MAOA: variants seen among roughly 807,000 people sequenced by gnomAD.
MAOA encodes the protein amine oxidase [flavin-containing] A.
In MAOA, 6 loss-of-function variants were observed where a neutral mutation model predicts 42.0. That is an observed-to-expected ratio of 0.14 (90% confidence interval 0.08 to 0.28). The LOEUF is 0.28. Ranked by LOEUF, MAOA falls within the 10% of genes least tolerant of loss-of-function variation. MAOA has a pLI of 1.00. For missense variants in MAOA, 262 were observed against 422.3 expected, an observed-to-expected ratio of 0.62 and a Z score of 3.33; for synonymous variants, 140 against 154.0, an observed-to-expected ratio of 0.91 and a Z score of 0.67.
At chrX:43,719,022 A>G (rs892786891) in intron 5 of MAOA, among the ~76,000 whole-genome samples, 1 of 110,260 alleles carries the variant, frequency 9.1e-6, no homozygotes, top group Non-Finnish European at 1.9e-5. Flanking sequence ...TCTTCTAGGA[A>G]TGAGCCACCC....
intron 1 of MAOA, among the ~76,000 whole-genome samples, chrX:43,682,139 C>T (rs1271717760): frequency 9.0e-6 from 1 of 111,262 alleles, no homozygotes; most frequent in African/African-American, 3.3e-5. Flanking sequence ...CCTTGGCCTC[C>T]CAAAGTGCTG....
chrX:43,663,322 T>C (rs761582250), intron 1 of MAOA, among the ~76,000 whole-genome samples: 1 of 111,943 alleles, frequency 8.9e-6, no homozygotes, highest in Admixed American at 9.5e-5. Flanking sequence ...TTCTAGTTGT[T>C]GCTAGGCAAA....
rs184725808 is a variant in MAOA, at chrX:43,746,489, A to T, written c.*1976A>T. 8.9e-6 allele frequency: 1 copy of T among 111,787 alleles called. No homozygotes were observed. Among genetic ancestry groups the T allele is most frequent in the East Asian group, 2.8e-4 (1 of 3,530 alleles). 9.2% of individuals were successfully genotyped at this position (111,787 alleles called of 1,213,427 possible). A position where few individuals can be genotyped will look rare whatever the true frequency, so the allele number is the denominator to read the frequency against. On this transcript the variant is annotated 3_prime_UTR_variant, in exon 15 of 15. Transcript: ENST00000338702. ...GAAAGTCAGTTTAAGAGGCTGATAG[A>T]TCTTGGCCCTGTTAAGGCATCCACT...
At chrX:43,719,367 C>G (rs1236154016) in intron 5 of MAOA, among the ~76,000 whole-genome samples, 2 of 110,137 alleles carry the variant, frequency 1.8e-5, no homozygotes, top group African/African-American at 6.6e-5. Context: ...CCCGCAGGGG[C>G]AGTAGGTAAC....
At chrX:43,680,635 T>C (rs1257159785) in intron 1 of MAOA, among the ~76,000 whole-genome samples, 1 of 111,093 alleles carries the variant, frequency 9.0e-6, no homozygotes, top group African/African-American at 3.3e-5. Context: ...AAGAGTCAGA[T>C]AACATTTGTC....
chrX:43,693,347 C>T lies in MAOA; in HGVS notation c.225C>T (p.Asn75=). The change falls in exon 3 of 15, where the codon AAC becomes AAT. Residue 75 remains asparagine (N), a synonymous_variant. Coordinates refer to ENST00000338702, the MANE Select transcript of MAOA (RefSeq NM_000240.4). ...VGGAYVGPTQ[N]RILRLSKELG... Reference sequence around the variant, plus strand: ...GAGCTTATGTGGGACCAACCCAAAACAGAATCTTACGCTTGTCTAAGGAGC... The same window carrying T: ...GAGCTTATGTGGGACCAACCCAAAATAGAATCTTACGCTTGTCTAAGGAGC... 1.7e-6 allele frequency: 2 copies of T among 1,209,125 alleles called. No homozygotes were observed. Among genetic ancestry groups the T allele is most frequent in the Non-Finnish European group, 2.2e-6 (2 of 893,085 alleles).
At chrX:43,656,157 C>A, upstream of MAOA, 1 of 456,813 alleles carries the variant, frequency 2.2e-6, no homozygotes, top group South Asian at 3.1e-5. Context: ...TCAGCTCCGC[C>A]CCTGGGCGCT....
At chrX:43,736,478 T>A (rs2033920998) in intron 10 of MAOA, among the ~76,000 whole-genome samples, 198 bp downstream of exon 10, 1 of 111,535 alleles carries the variant, frequency 9.0e-6, no homozygotes, top group Admixed American at 9.6e-5. Flanking sequence ...TTTTACATGT[T>A]CGTGTTTATT....
chrX:43,655,907 C>T (rs2033174604), upstream of MAOA: 4 of 179,548 alleles, frequency 2.2e-5, no homozygotes, highest in South Asian at 3.1e-4. Flanking sequence ...TAACATTTCC[C>T]CAGTGTCGCC....
intron 3 of MAOA, among the ~76,000 whole-genome samples, chrX:43,709,652 T>C (rs1226432114): frequency 8.9e-6 from 1 of 111,844 alleles, no homozygotes; most frequent in Non-Finnish European, 1.9e-5. Flanking sequence ...TTTCCAGATT[T>C]CAGTTAAAGG....
intron 1 of MAOA, among the ~76,000 whole-genome samples, chrX:43,667,849 A>G (rs2033295698): frequency 8.9e-6 from 1 of 112,156 alleles, no homozygotes; most frequent in Non-Finnish European, 1.9e-5. Context: ...TTGCTATTCT[A>G]CAATGGGCCT....
intron 5 of MAOA, 114 bp from the exon 6 acceptor site, chrX:43,728,059 T>C: frequency 1.4e-6 from 1 of 735,939 alleles, no homozygotes; most frequent in Admixed American, 2.2e-5. Context: ...TGAGAGTTTT[T>C]TTCAATTGCA....
At chrX:43,677,518 C>T (rs1451932443) in intron 1 of MAOA, among the ~76,000 whole-genome samples, 1 of 110,648 alleles carries the variant, frequency 9.0e-6, no homozygotes, top group East Asian at 2.8e-4. Flanking sequence ...TTTTTAACCT[C>T]TCTGATAAAT....
At chrX:43,719,765 T>C (rs1418734635) in intron 5 of MAOA, among the ~76,000 whole-genome samples, 1 of 109,889 alleles carries the variant, frequency 9.1e-6, no homozygotes, top group African/African-American at 3.3e-5. Flanking sequence ...GCAGGGTAAA[T>C]AATGTAAGAG....
chrX:43,656,207 C>T (rs2033177495), upstream of MAOA: 2 of 554,944 alleles, frequency 3.6e-6, no homozygotes, highest in Non-Finnish European at 3.0e-6. Flanking sequence ...GCCCACAGTG[C>T]CCGGCTCCCC....
At chrX:43,693,893 C>G (rs2033557251) in intron 3 of MAOA, among the ~76,000 whole-genome samples, 1 of 111,815 alleles carries the variant, frequency 8.9e-6, no homozygotes, top group African/African-American at 3.3e-5. Flanking sequence ...TTTGAGGCCA[C>G]TTCTTTAGCC....
At chrX:43,662,556 A>C in intron 1 of MAOA, among the ~76,000 whole-genome samples, 1 of 111,903 alleles carries the variant, frequency 8.9e-6, no homozygotes, top group Non-Finnish European at 1.9e-5. Context: ...ATAATGGAGA[A>C]AAAGAAACAT....
At chrX:43,673,555 T>A (rs1449683839) in intron 1 of MAOA, among the ~76,000 whole-genome samples, 3 of 109,724 alleles carry the variant, frequency 2.7e-5, no homozygotes, top group Non-Finnish European at 3.8e-5. Flanking sequence ...CAATTTTGGA[T>A]CTTTCCTGCT....
At chrX:43,666,991 C>T (rs1210719959) in intron 1 of MAOA, among the ~76,000 whole-genome samples, 5 of 43,532 alleles carry the variant, frequency 1.1e-4, no homozygotes, top group Admixed American at 3.4e-4. Flanking sequence ...CAGGGTCTGT[C>T]ATGGGGTGGG....
Sources: allele counts gnomAD v4.1 joint callset (sites outside exome capture counted in the v4.1 genomes callset), GRCh38; gene constraint gnomAD v4.1.1; transcripts MANE v1.5; gene names NCBI Gene and HGNC (gene_info 2026-07-23, HGNC 2026-07-21).